Variants in HAPSTR1 observed in about 807,000 individuals in gnomAD.
HAPSTR1 encodes HUWE1-associated protein modifying stress responses 1.
chr16:9,115,191 C>T, the HAPSTR1 span, among the ~76,000 whole-genome samples: 33 of 152,204 alleles, frequency 2.2e-4, no homozygotes, highest in South Asian at 5.2e-3. Context: ...TGGAGGGGAA[C>T]GCCAAGGGGA....
chr16:9,112,259 A>C, the HAPSTR1 span: 1 of 152,222 alleles, frequency 6.6e-6, no homozygotes, highest in African/African-American at 2.4e-5. Flanking sequence ...CTTTGTGCAA[A>C]AGGAGTGCTG....
the HAPSTR1 span, among the ~76,000 whole-genome samples, chr16:9,095,850 C>G: frequency 6.6e-6 from 1 of 151,652 alleles, no homozygotes; most frequent in South Asian, 2.1e-4. Flanking sequence ...CTTGTCTTCC[C>G]CTTTCCAAAA....
At chr16:9,111,754 T>C in the HAPSTR1 span, 1 of 152,344 alleles carries the variant, frequency 6.6e-6, no homozygotes, top group East Asian at 1.9e-4. Flanking sequence ...CTTGGAAAAT[T>C]TGAAAGTTTT....
the HAPSTR1 span, chr16:9,116,930 A>AC: frequency 6.2e-7 from 1 of 1,611,572 alleles, no homozygotes; most frequent in Non-Finnish European, 8.5e-7. Flanking sequence ...ACATTTTCAC[A>AC]CCCACCATGC....
the HAPSTR1 span, among the ~76,000 whole-genome samples, chr16:9,115,110 C>T: frequency 6.6e-6 from 1 of 152,054 alleles, no homozygotes; most frequent in African/African-American, 2.4e-5. Context: ...AGGTGTGGCC[C>T]TCAGGACATT....
At chr16:9,099,887 A>C in the HAPSTR1 span, among the ~76,000 whole-genome samples, 237 of 152,366 alleles carry the variant, frequency 1.6e-3, no homozygotes, top group African/African-American at 5.4e-3. Flanking sequence ...GTTTGTTTTC[A>C]GTCAGGTAAC....
At chr16:9,120,298 T>G in the HAPSTR1 span, 1 of 152,228 alleles carries the variant, frequency 6.6e-6, no homozygotes, top group East Asian at 1.9e-4. Context: ...CTTTGATGGT[T>G]TAGATGACCT....
chr16:9,118,742 C>G, the HAPSTR1 span: 2 of 152,520 alleles, frequency 1.3e-5, no homozygotes, highest in Non-Finnish European at 2.9e-5. Context: ...GTTTTTCTAT[C>G]GTAAATTTAG....
At chr16:9,120,175 G>A in the HAPSTR1 span, 1 of 152,362 alleles carries the variant, frequency 6.6e-6, no homozygotes, top group South Asian at 2.1e-4. Flanking sequence ...AATCTTCAGA[G>A]ATACATTCTG....
the HAPSTR1 span, among the ~76,000 whole-genome samples, chr16:9,094,881 ATGTGTC>A: frequency 6.6e-6 from 1 of 152,222 alleles, no homozygotes. Context: ...TTCTTGTAGA[ATGTGTC>A]CCTTTAGGAC....
chr16:9,115,913 G>C, the HAPSTR1 span, among the ~76,000 whole-genome samples: 6 of 152,038 alleles, frequency 3.9e-5, no homozygotes, highest in African/African-American at 1.5e-4. Flanking sequence ...CCTGGCCTTG[G>C]ATTCAGTAAC....
At chr16:9,111,110 A>T in the HAPSTR1 span, 2 of 152,264 alleles carry the variant, frequency 1.3e-5, no homozygotes, top group Admixed American at 1.3e-4. Flanking sequence ...CAGAGAATTA[A>T]TTAGAACCAA....
the HAPSTR1 span, chr16:9,103,290 A>G: frequency 6.3e-7 from 1 of 1,598,588 alleles, no homozygotes; most frequent in Non-Finnish European, 8.5e-7. Flanking sequence ...TTCTTTGGAA[A>G]AATGGTTAAG....
chr16:9,109,665 T>G, the HAPSTR1 span: 5 of 152,232 alleles, frequency 3.3e-5, no homozygotes, highest in African/African-American at 1.2e-4. Context: ...TTGCCTTTTT[T>G]GGCTTTAATC....
the HAPSTR1 span, among the ~76,000 whole-genome samples, chr16:9,099,692 C>G: frequency 2.0e-5 from 3 of 152,140 alleles, no homozygotes; most frequent in African/African-American, 7.2e-5. Context: ...CCCGAAAGTC[C>G]ACGCTTCTAG....
At chr16:9,113,831 TG>T in the HAPSTR1 span, among the ~76,000 whole-genome samples, 2 of 151,996 alleles carry the variant, frequency 1.3e-5, no homozygotes, top group Non-Finnish European at 2.9e-5. Context: ...AAGCCAACAA[TG>T]GGGATAATTG....
chr16:9,092,383 G>T, the HAPSTR1 span: 707 of 998,830 alleles, frequency 7.1e-4, 7 homozygotes, highest in East Asian at 0.024. Context: ...CGGCCTCGGG[G>T]ATCCCGGCCG....
At chr16:9,094,535 G>A in the HAPSTR1 span, among the ~76,000 whole-genome samples, 1 of 151,420 alleles carries the variant, frequency 6.6e-6, no homozygotes, top group Non-Finnish European at 1.5e-5. Context: ...CCACCTCCCA[G>A]TCCCTGGCAG....
At chr16:9,099,174 C>T in the HAPSTR1 span, among the ~76,000 whole-genome samples, 1 of 151,274 alleles carries the variant, frequency 6.6e-6, no homozygotes, top group Non-Finnish European at 1.5e-5. Flanking sequence ...CCTGCTATGA[C>T]TGGTGTATGA....
Sources: gnomAD v4.1 joint callset for allele counts (sites outside exome capture counted in the v4.1 genomes callset) on GRCh38, gnomAD v4.1.1 for gene constraint, MANE v1.5 for transcripts, NCBI Gene and HGNC (gene_info 2026-07-23, HGNC 2026-07-21) for gene names.